The following CRPPA variants were observed in gnomAD, a reference collection of about 807,000 sequenced individuals.
CRPPA encodes CDP-L-ribitol pyrophosphorylase A, also known as D-ribitol-5-phosphate cytidylyltransferase.
CRPPA carries 43 observed loss-of-function variants against 52.0 expected under a neutral mutation model. That is an observed-to-expected ratio of 0.83 (90% CI 0.65 to 1.07). The LOEUF (loss-of-function observed/expected upper bound fraction) is 1.07. Among genes scored for constraint, CRPPA ranks in the 50% least tolerant of loss-of-function variants. CRPPA has a pLI of 0.00. For synonymous variants in CRPPA, 250 were observed against 203.5 expected (o/e 1.23, Z -1.94); for missense variants, 629 against 551.7 (o/e 1.14, Z -1.40).
At chr7:16,249,016 G>A (rs1409248807) in intron 8 of CRPPA, among the ~76,000 whole-genome samples, 2 of 152,148 alleles carry the variant, frequency 1.3e-5, no homozygotes, top group East Asian at 3.9e-4. Flanking sequence ...ATCGACCTGG[G>A]ATGCTTGAGT....
At chr7:16,271,025 A>G (rs927045327) in intron 6 of CRPPA, among the ~76,000 whole-genome samples, 10 of 152,118 alleles carry the variant, frequency 6.6e-5, no homozygotes, top group Admixed American at 3.3e-4. Flanking sequence ...GAAACTAAGT[A>G]CCATAGAACA....
At position 16,322,797 on chromosome 7, in the gene CRPPA, G is replaced by A. The variant is rs146448951; in HGVS notation, c.685-14170C>T. ...GAACAGTGTATCAGTCCGTTCTCATGCTGCTATGAAGAAATACCCGAGACT... is the reference window on the plus strand; with the variant it reads ...GAACAGTGTATCAGTCCGTTCTCATACTGCTATGAAGAAATACCCGAGACT... On this transcript the variant is annotated intron_variant, in intron 3 of 9. Transcript: ENST00000407010. Among the ~76,000 whole-genome samples the A allele has an allele frequency of 2.5e-3, 377 of 152,178 alleles. 1 individual carries two copies. The highest frequency in any genetic ancestry group is 4.4e-3 in the Non-Finnish European group (298 of 68,002).
At chr7:16,246,833 A>T (rs987600512) in intron 8 of CRPPA, among the ~76,000 whole-genome samples, 1 of 152,226 alleles carries the variant, frequency 6.6e-6, no homozygotes, top group African/African-American at 2.4e-5. Context: ...TAGAGCACAG[A>T]CAGAGAGTAG....
intron 9 of CRPPA, among the ~76,000 whole-genome samples, chr7:16,181,780 G>A (rs1054863220): frequency 2.0e-5 from 3 of 151,758 alleles, no homozygotes; most frequent in Non-Finnish European, 4.4e-5. Context: ...ACACTTTTAT[G>A]CTTTAAAATA....
chr7:16,391,886 A>T (rs1787455249), intron 2 of CRPPA, among the ~76,000 whole-genome samples: 1 of 152,196 alleles, frequency 6.6e-6, no homozygotes, highest in Admixed American at 6.5e-5. Context: ...AAGTGTCACT[A>T]GGTAATACAC....
chr7:16,302,053 T>C (rs909831174), intron 4 of CRPPA, among the ~76,000 whole-genome samples: 2 of 152,082 alleles, frequency 1.3e-5, no homozygotes, highest in African/African-American at 4.8e-5. Context: ...ATGCAACCTC[T>C]TGGGAGGCCA....
chr7:16,216,146 G>C lies in CRPPA; in HGVS notation c.1171C>G (p.Leu391Val), dbSNP rs1247403699. 1.3e-6 allele frequency: 2 copies of C among 1,595,230 alleles called. No homozygotes were observed. Among genetic ancestry groups the C allele is most frequent in the Non-Finnish European group, 1.7e-6 (2 of 1,165,908 alleles). Residue 391 changes from leucine (L) to valine (V), a missense_variant, in exon 9 of 10, where the codon CTA becomes GTA. Coordinates refer to ENST00000407010, the MANE Select transcript of CRPPA (RefSeq NM_001101426.4). The part of the protein sequence containing the change: ...LVPPSQKMEN[L>V]MQIREFAKEV... ...TTTGCAAATTCTCTAATCTGCATTA[G>C]GTTTTCCATTTTCTGACTGGGAGGT...
At chr7:16,104,306 C>A (rs1033602952) in intron 9 of CRPPA, among the ~76,000 whole-genome samples, 2 of 152,194 alleles carry the variant, frequency 1.3e-5, no homozygotes, top group Admixed American at 1.3e-4. Flanking sequence ...GCAATCCTTT[C>A]TCAAGGTCAC....
chr7:16,206,988 T>C (rs1300971327), intron 9 of CRPPA, among the ~76,000 whole-genome samples: 1 of 152,150 alleles, frequency 6.6e-6, no homozygotes, highest in Non-Finnish European at 1.5e-5. Flanking sequence ...TCTTGCTATT[T>C]TCTATAAACA....
At chr7:16,191,232 G>C (rs778184271) in intron 9 of CRPPA, among the ~76,000 whole-genome samples, 44 of 152,126 alleles carry the variant, frequency 2.9e-4, no homozygotes, top group Admixed American at 7.2e-4. Flanking sequence ...GTAAAGCAGA[G>C]GTTTGCCGAG....
At chr7:16,356,187 A>G (rs1192128663) in intron 3 of CRPPA, among the ~76,000 whole-genome samples, 1 of 152,248 alleles carries the variant, frequency 6.6e-6, no homozygotes, top group African/African-American at 2.4e-5. Flanking sequence ...TGAACAAGTT[A>G]AGCCAAACAA....
intron 3 of CRPPA, among the ~76,000 whole-genome samples, chr7:16,359,633 T>G (rs1240710018): frequency 6.6e-6 from 1 of 152,208 alleles, no homozygotes; most frequent in Non-Finnish European, 1.5e-5. Context: ...GCCTTTCAGT[T>G]AATTTTTATT....
At chr7:16,230,402 C>T (rs1051763304) in intron 8 of CRPPA, among the ~76,000 whole-genome samples, 1 of 151,986 alleles carries the variant, frequency 6.6e-6, no homozygotes, top group Admixed American at 6.6e-5. Flanking sequence ...TGTTGATGCA[C>T]TCTATTGCAT....
intron 9 of CRPPA, among the ~76,000 whole-genome samples, chr7:16,129,991 A>G (rs926623133): frequency 2.0e-5 from 3 of 152,130 alleles, no homozygotes; most frequent in Non-Finnish European, 4.4e-5. Flanking sequence ...CACACAAATA[A>G]ATAACTATCG....
In CRPPA at chr7:16,262,445, G is replaced by T. The variant is rs563540718; in HGVS notation, c.934-3433C>A. On this transcript the variant is annotated intron_variant, in intron 6 of 9. Transcript: ENST00000407010. ...ATCACTGTTAATCTCTTACAATGTT[G>T]TGTTTTCAATTTTTAACCTTGAATT... Among the ~76,000 whole-genome samples, 102 of 152,182 alleles carry T rather than the reference G, an allele frequency of 6.7e-4. 1 individual carries two copies. The Middle Eastern group carries it at 0.01, about 15-fold the overall frequency.
At chr7:16,259,604 G>T (rs999346887) in intron 6 of CRPPA, among the ~76,000 whole-genome samples, 2 of 151,882 alleles carry the variant, frequency 1.3e-5, no homozygotes, top group Non-Finnish European at 2.9e-5. Context: ...AACTTTCCTA[G>T]TAAGATTTTT....
intron 6 of CRPPA, chr7:16,270,463 G>A (rs1349686613): frequency 1.3e-5 from 2 of 152,118 alleles, no homozygotes; most frequent in African/African-American, 4.8e-5. Context: ...AATATAAATT[G>A]TTAATTTTAT....
chr7:16,411,305 A>G (rs1788072224), intron 1 of CRPPA, among the ~76,000 whole-genome samples: 1 of 152,206 alleles, frequency 6.6e-6, no homozygotes, highest in Non-Finnish European at 1.5e-5. Flanking sequence ...TCTGGGGCCT[A>G]TAACTTTAGC....
rs1785092593 is a variant in CRPPA, at chr7:16,314,123, G to C, written c.685-5496C>G. On this transcript the variant is annotated intron_variant, in intron 3 of 9. Coordinates refer to ENST00000407010, the MANE Select transcript of CRPPA (RefSeq NM_001101426.4). ...GTTGAAGTCTCCAAGTATAATAATG[G>C]ATTTACCTATCTCTTCTTGCAATTC... 2.0e-5 allele frequency among the ~76,000 whole-genome samples: 3 copies of C among 151,930 alleles called. No individual in the cohort carries two copies. In the South Asian group the frequency reaches 6.2e-4, roughly 31 times the overall value.
Sources: gnomAD v4.1 joint callset for allele counts (sites outside exome capture counted in the v4.1 genomes callset) on GRCh38, gnomAD v4.1.1 for gene constraint, MANE v1.5 for transcripts, NCBI Gene and HGNC (gene_info 2026-07-23, HGNC 2026-07-21) for gene names.